Variants in RFTN1 observed in about 807,000 individuals in gnomAD.
RFTN1 encodes raftlin.
A neutral mutation model predicts 46.5 loss-of-function variants in RFTN1; 26 were observed. The observed-to-expected ratio is 0.56, with a 90% CI of 0.41 to 0.78. The LOEUF is 0.78. Ranked by LOEUF, RFTN1 falls within the 30% of genes least tolerant of loss-of-function variation. RFTN1 has a pLI of 0.00. For synonymous variants in RFTN1, 261 were observed against 284.2 expected (o/e 0.92, Z 0.82); for missense variants, 693 against 718.7 (o/e 0.96, Z 0.41).
At position 16,507,782 on chromosome 3, in the gene RFTN1, CACAT is replaced by C. The variant is rs1361418819; in HGVS notation, c.-9+5656_-9+5659del. Among the ~76,000 whole-genome samples, 2 of 151,334 alleles carry C rather than the reference CACAT, an allele frequency of 1.3e-5. No individual in the cohort carries two copies. The highest frequency in any genetic ancestry group is 2.9e-5 in the Non-Finnish European group (2 of 67,866). ...ATACACACAAACACACACATACACTCACATACACACAAACACACACAAACGCACA... is the reference window on the plus strand; with the variant it reads ...ATACACACAAACACACACATACACTCACACACAAACACACACAAACGCACA... On this transcript the variant is annotated intron_variant, in intron 1 of 9. Coordinates refer to ENST00000334133, the MANE Select transcript of RFTN1 (RefSeq NM_015150.2). The surrounding 1 kb of genome is among the most constrained non-coding windows in gnomAD (Gnocchi z 7.1).
At chr3:16,434,341 T>C (rs1358753313) in intron 2 of RFTN1, among the ~76,000 whole-genome samples, 1 of 150,294 alleles carries the variant, frequency 6.7e-6, no homozygotes, top group East Asian at 2.0e-4. Flanking sequence ...CTGGGCAACA[T>C]AGTAAAACTC....
Position 16,380,827 on chromosome 3 carries a change from A to G in RFTN1, c.442-2725T>C, listed in dbSNP as rs1308692695. Among the ~76,000 whole-genome samples, 1 of 152,254 alleles carries G rather than the reference A, an allele frequency of 6.6e-6. No individual in the cohort carries two copies. The highest frequency in any genetic ancestry group is 1.5e-5 in the Non-Finnish European group (1 of 68,042). On this transcript the variant is annotated intron_variant, in intron 4 of 9. Coordinates refer to ENST00000334133, the MANE Select transcript of RFTN1 (RefSeq NM_015150.2). This position sits in a 1 kb window ranked among gnomAD's most constrained non-coding sequence, Gnocchi z 4.8. ...CCCCAGTAATAGAATGATGTCTGAC[A>G]TATAGCAGGTCCTCAATAAATATCT...
At chr3:16,441,823 A>G (rs1224284430) in intron 2 of RFTN1, among the ~76,000 whole-genome samples, 1 of 152,200 alleles carries the variant, frequency 6.6e-6, no homozygotes, top group Non-Finnish European at 1.5e-5. Flanking sequence ...GCTCAACCAA[A>G]TCTCTCTTTT....
chr3:16,317,314 C>G lies in RFTN1; in HGVS notation c.1333-82G>C. 6 of 1,421,488 alleles carry G rather than the reference C, an allele frequency of 4.2e-6. No homozygotes were observed. Among genetic ancestry groups the G allele is most frequent in the East Asian group, 2.3e-5 (1 of 43,072 alleles). The allele number at this position is 1,421,488 out of a possible 1,614,324, so 88.1% of individuals were successfully genotyped here. ...CCCAAAGCCTTGTTTGCATTCATACCCACACCATGTCTGAGTGAGACATAC... is the reference window on the plus strand; with the variant it reads ...CCCAAAGCCTTGTTTGCATTCATACGCACACCATGTCTGAGTGAGACATAC... On this transcript the variant is annotated intron_variant, in intron 9 of 9. Transcript: ENST00000334133. This position sits in a 1 kb window ranked among gnomAD's most constrained non-coding sequence, Gnocchi z 4.3.
intron 2 of RFTN1, among the ~76,000 whole-genome samples, chr3:16,445,735 ATATAT>A (rs1176169931): frequency 1.3e-5 from 2 of 152,062 alleles, no homozygotes; most frequent in Non-Finnish European, 2.9e-5. Context: ...ATTAAATAAA[ATATAT>A]TAATATTAAT....
rs1368112097 is a variant in RFTN1 at position 16,381,996 on chromosome 3, A to G, written c.442-3894T>C. Among the ~76,000 whole-genome samples, 1 of 152,208 alleles carries G rather than the reference A, an allele frequency of 6.6e-6. No homozygotes were observed. Among genetic ancestry groups the G allele is most frequent in the African/African-American group, 2.4e-5 (1 of 41,450 alleles). ...CATCTTTTACCTTCAACTTCAGCAC[A>G]AATTTTGTATCTTATACCATAGTGC... is the stretch of plus-strand genomic sequence containing the variant. On this transcript the variant is annotated intron_variant, in intron 4 of 9. Transcript: ENST00000334133. The surrounding 1 kb of genome is among the most constrained non-coding windows in gnomAD (Gnocchi z 4.2).
At chr3:16,463,566 T>G (rs1432546786) in intron 2 of RFTN1, among the ~76,000 whole-genome samples, 1 of 152,230 alleles carries the variant, frequency 6.6e-6, no homozygotes, top group Non-Finnish European at 1.5e-5. Flanking sequence ...TTTTCATATT[T>G]TCATCTATTT....
At chr3:16,325,651 G>A (rs1186343971) in intron 8 of RFTN1, among the ~76,000 whole-genome samples, 2 of 152,198 alleles carry the variant, frequency 1.3e-5, no homozygotes, top group Non-Finnish European at 2.9e-5. Flanking sequence ...AGTCTTGGCT[G>A]AGAAAGAACA....
In RFTN1 at chr3:16,404,002, TTA is replaced by T. The variant is rs1346778017; in HGVS notation, c.441+5371_441+5372del. On this transcript the variant is annotated intron_variant, in intron 4 of 9. Transcript: ENST00000334133. ...TTATATATAATATATAATATATATTTTATATATATATTATATTTTATATATAA... is the reference window on the plus strand; with the variant it reads ...TTATATATAATATATAATATATATTTTATATATATTATATTTTATATATAA... Among the ~76,000 whole-genome samples, 3 of 5,576 alleles carry T rather than the reference TTA, an allele frequency of 5.4e-4. 1 individual carries two copies. Among genetic ancestry groups the T allele is most frequent in the African/African-American group, 3.5e-3 (3 of 860 alleles). 3.7% of individuals were successfully genotyped at this position (5,576 alleles called of 152,430 possible).
At chr3:16,505,982 G>A (rs950631634) in intron 1 of RFTN1, among the ~76,000 whole-genome samples, 16 of 152,264 alleles carry the variant, frequency 1.1e-4, no homozygotes, top group African/African-American at 3.1e-4. Flanking sequence ...AAAAGAGCAC[G>A]CCTGCCCTCA....
At position 16,509,479 on chromosome 3, in the gene RFTN1, T is replaced by C. The variant is rs1439727865; in HGVS notation, c.-9+3963A>G. Among the ~76,000 whole-genome samples, 1 of 152,176 alleles carries C rather than the reference T, an allele frequency of 6.6e-6. No homozygotes were observed. The highest frequency in any genetic ancestry group is 2.4e-5 in the African/African-American group (1 of 41,432). ...TATAAGTACTCGCCTCTCATGAGGA[T>C]TAAATTCAGATAATGCGTGCAAAAT... On this transcript the variant is annotated intron_variant, in intron 1 of 9. Transcript: ENST00000334133. This position sits in a 1 kb window ranked among gnomAD's most constrained non-coding sequence, Gnocchi z 4.9.
rs73041454 is a variant in RFTN1 at position 16,382,823 on chromosome 3, C to T, written c.442-4721G>A. Among the ~76,000 whole-genome samples, 5,431 of 152,278 alleles carry T rather than the reference C, an allele frequency of 0.036. 140 individuals are homozygous for T. The highest frequency in any genetic ancestry group is 0.082 in the Middle Eastern group (24 of 294). ...AGCTCACTTTATTTCAAGCCCTCAT[C>T]ATCTGTTGCTGGACATCACCATGAC... On this transcript the variant is annotated intron_variant, in intron 4 of 9. Transcript: ENST00000334133. The surrounding 1 kb of genome is among the most constrained non-coding windows in gnomAD (Gnocchi z 4.7).
chr3:16,401,791 C>T (rs961767108), intron 4 of RFTN1, among the ~76,000 whole-genome samples: 4 of 152,208 alleles, frequency 2.6e-5, no homozygotes, highest in African/African-American at 9.7e-5. Context: ...AAAATATAAA[C>T]TTAACTTCTC....
intron 2 of RFTN1, among the ~76,000 whole-genome samples, chr3:16,456,948 A>G (rs2075918064): frequency 6.6e-6 from 1 of 152,246 alleles, no homozygotes; most frequent in South Asian, 2.1e-4. Flanking sequence ...CAACTCTTTC[A>G]AGAACCACTT....
intron 1 of RFTN1, among the ~76,000 whole-genome samples, chr3:16,495,649 A>G (rs1368344045): frequency 6.6e-6 from 1 of 152,248 alleles, no homozygotes; most frequent in Non-Finnish European, 1.5e-5. Flanking sequence ...GGAGGCAGGA[A>G]GCTGCCCTAC....
At chr3:16,431,982 C>A (rs1398109352) in intron 3 of RFTN1, among the ~76,000 whole-genome samples, 1 of 152,174 alleles carries the variant, frequency 6.6e-6, no homozygotes, top group Non-Finnish European at 1.5e-5. Flanking sequence ...GTGACCTTGA[C>A]AACTCAACAT....
rs1240578760 is a variant in RFTN1 at position 16,410,359 on chromosome 3, C to A, written c.333-876G>T. ...TACACCAAACCAATAATAGCAGGTA[C>A]CCCTGGGGAATGGGGAAGGCTTATG... On this transcript the variant is annotated intron_variant, in intron 3 of 9. Coordinates refer to ENST00000334133, the MANE Select transcript of RFTN1 (RefSeq NM_015150.2). This position sits in a 1 kb window ranked among gnomAD's most constrained non-coding sequence, Gnocchi z 4.6. 5.9e-5 allele frequency among the ~76,000 whole-genome samples: 9 copies of A among 151,820 alleles called. No individual in the cohort carries two copies. Among genetic ancestry groups the A allele is most frequent in the Non-Finnish European group, 8.8e-5 (6 of 67,982 alleles).
rs988079514 is a variant in RFTN1, at chr3:16,418,577, G to A, written c.333-9094C>T. 3.3e-5 allele frequency among the ~76,000 whole-genome samples: 5 copies of A among 151,988 alleles called. No individual in the cohort carries two copies. Among genetic ancestry groups the A allele is most frequent in the African/African-American group, 1.2e-4 (5 of 41,378 alleles). ...GGAAAAAAAATACTAAACGTCAGTTGACAAAAACAAATTCTCTATCTCTGG... is the reference window on the plus strand; with the variant it reads ...GGAAAAAAAATACTAAACGTCAGTTAACAAAAACAAATTCTCTATCTCTGG... On this transcript the variant is annotated intron_variant, in intron 3 of 9. Transcript: ENST00000334133. This position sits in a 1 kb window ranked among gnomAD's most constrained non-coding sequence, Gnocchi z 5.0.
chr3:16,358,178 TAAAG>T (rs2072581176), intron 6 of RFTN1, 131 bp from the exon 7 acceptor site: 1 of 631,470 alleles, frequency 1.6e-6, no homozygotes. Context: ...GCATGTTAAT[TAAAG>T]AAGGCACACA....
Sources: gnomAD v4.1 joint callset for allele counts (sites outside exome capture counted in the v4.1 genomes callset) on GRCh38, gnomAD v4.1.1 for gene constraint, Gnocchi (gnomAD v3.1) non-coding constraint, MANE v1.5 for transcripts, NCBI Gene and HGNC (gene_info 2026-07-23, HGNC 2026-07-21) for gene names.